Variants in CDC73 observed in about 807,000 individuals in gnomAD.
CDC73 encodes parafibromin.
A neutral mutation model predicts 83.7 loss-of-function variants in CDC73; 21 were observed. The observed-to-expected ratio is 0.25, with a 90% CI of 0.18 to 0.36. The LOEUF is 0.36. Among genes scored for constraint, CDC73 ranks in the 10% least tolerant of loss-of-function variants. The probability of loss-of-function intolerance (pLI) is 1.00; values close to 1 mark genes in which losing one functional copy is unlikely to be tolerated. For missense variants in CDC73, 342 were observed against 653.3 expected, an observed-to-expected ratio of 0.52 and a Z score of 5.19; for synonymous variants, 224 against 212.9, an observed-to-expected ratio of 1.05 and a Z score of -0.45.
At chr1:193,148,231 G>T (rs560608638) in intron 8 of CDC73, among the ~76,000 whole-genome samples, 1 of 152,272 alleles carries the variant, frequency 6.6e-6, no homozygotes, top group Non-Finnish European at 1.5e-5. Flanking sequence ...ATTTATTTTA[G>T]GTAAACTGTG....
At chr1:193,212,664 G>A (rs1677299642) in intron 13 of CDC73, among the ~76,000 whole-genome samples, 187 bp downstream of exon 13, 1 of 151,976 alleles carries the variant, frequency 6.6e-6, no homozygotes, top group Admixed American at 6.6e-5. Context: ...GATCCTTTAG[G>A]GAAAGTTACA....
chr1:193,159,673 C>T (rs1457770433), intron 10 of CDC73, among the ~76,000 whole-genome samples: 1 of 152,070 alleles, frequency 6.6e-6, no homozygotes, highest in Non-Finnish European at 1.5e-5. Flanking sequence ...CCTTTCACTG[C>T]TTTTTGATTG....
At chr1:193,127,417 A>G (rs1238948412) in intron 2 of CDC73, among the ~76,000 whole-genome samples, 1 of 152,084 alleles carries the variant, frequency 6.6e-6, no homozygotes, top group Non-Finnish European at 1.5e-5. Context: ...TATGTTACAT[A>G]TTTAAAAAAA....
At chr1:193,137,762 T>C (rs1182827926) in intron 5 of CDC73, among the ~76,000 whole-genome samples, 2 of 152,256 alleles carry the variant, frequency 1.3e-5, no homozygotes, top group Non-Finnish European at 2.9e-5. Flanking sequence ...ATTTGGTTAT[T>C]AACTTTCTCA....
chr1:193,200,778 C>T (rs540103032), intron 10 of CDC73, among the ~76,000 whole-genome samples: 291 of 151,984 alleles, frequency 1.9e-3, no homozygotes, highest in African/African-American at 6.6e-3. Flanking sequence ...TGTGTGTGCG[C>T]GCGTGCGTAT....
intron 10 of CDC73, among the ~76,000 whole-genome samples, chr1:193,156,386 T>C (rs1453170051): frequency 6.6e-6 from 1 of 152,230 alleles, no homozygotes; most frequent in Non-Finnish European, 1.5e-5. Context: ...CCTGCAATTA[T>C]AGAGATTAAA....
At position 193,122,035 on chromosome 1, in the gene CDC73, C is replaced by G. The variant is rs908159767; in HGVS notation, c.-166C>G. 7.5e-5 allele frequency: 49 copies of G among 656,496 alleles called. No homozygotes were observed. Among genetic ancestry groups the G allele is most frequent in the South Asian group, 6.3e-4 (36 of 57,040 alleles). 40.7% of individuals were successfully genotyped at this position (656,496 alleles called of 1,614,324 possible). Reference sequence around the variant, plus strand: ...GGGTCCTCGGCGGCCTGGGTGGCTACTGCCCCTGCTGCTGTCGTAGGCGAG... The same window carrying G: ...GGGTCCTCGGCGGCCTGGGTGGCTAGTGCCCCTGCTGCTGTCGTAGGCGAG... On this transcript the variant is annotated 5_prime_UTR_variant, in exon 1 of 17. Coordinates refer to ENST00000367435, the MANE Select transcript of CDC73 (RefSeq NM_024529.5).
At chr1:193,162,559 A>G (rs754389250) in intron 10 of CDC73, among the ~76,000 whole-genome samples, 2 of 151,396 alleles carry the variant, frequency 1.3e-5, no homozygotes, top group Non-Finnish European at 2.9e-5. Context: ...TTTTTAGTAG[A>G]GATTTCACCA....
chr1:193,169,399 G>T (rs1190860894), intron 10 of CDC73, among the ~76,000 whole-genome samples: 1 of 152,124 alleles, frequency 6.6e-6, no homozygotes, highest in African/African-American at 2.4e-5. Flanking sequence ...ACAAAAATTA[G>T]CTGGGCGTGG....
chr1:193,224,601 T>C (rs578226586), intron 13 of CDC73, among the ~76,000 whole-genome samples: 1 of 152,254 alleles, frequency 6.6e-6, no homozygotes, highest in East Asian at 1.9e-4. Flanking sequence ...CATTCACATG[T>C]ACACATATAT....
At chr1:193,243,474 T>C (rs755461988) in intron 15 of CDC73, among the ~76,000 whole-genome samples, 1 of 152,094 alleles carries the variant, frequency 6.6e-6, no homozygotes, top group Non-Finnish European at 1.5e-5. Context: ...AAAATAAATA[T>C]CAATAAAGAT....
At chr1:193,154,023 T>C (rs1286974790) in intron 10 of CDC73, among the ~76,000 whole-genome samples, 4 of 152,242 alleles carry the variant, frequency 2.6e-5, no homozygotes, top group Non-Finnish European at 5.9e-5. Context: ...TCCCATCTTA[T>C]GCGATCTGCC....
intron 6 of CDC73, among the ~76,000 whole-genome samples, chr1:193,138,469 C>A (rs1171099518): frequency 6.6e-6 from 1 of 152,170 alleles, no homozygotes; most frequent in Non-Finnish European, 1.5e-5. Context: ...CAGAAGTCAG[C>A]AAGCTTTTTC....
intron 10 of CDC73, among the ~76,000 whole-genome samples, chr1:193,168,006 G>A (rs1210547266): frequency 6.6e-6 from 1 of 152,008 alleles, no homozygotes; most frequent in East Asian, 1.9e-4. Context: ...GATTACAGAT[G>A]CCTGCCACCA....
At chr1:193,195,289 G>A (rs1439258822) in intron 10 of CDC73, among the ~76,000 whole-genome samples, 2 of 151,976 alleles carry the variant, frequency 1.3e-5, no homozygotes, top group African/African-American at 4.8e-5. Flanking sequence ...ATTTCGTTTA[G>A]CGTAATGTTT....
intron 10 of CDC73, among the ~76,000 whole-genome samples, chr1:193,198,056 C>T (rs1022771266): frequency 2.6e-5 from 4 of 151,568 alleles, no homozygotes; most frequent in Non-Finnish European, 5.9e-5. Flanking sequence ...CAATGTAATA[C>T]TCATGAATCA....
chr1:193,127,818 CATT>C (rs1452243816), intron 2 of CDC73: 1 of 85,466 alleles, frequency 1.2e-5, no homozygotes, highest in African/African-American at 3.9e-5. Context: ...GCAGACCACT[CATT>C]TTTTTTTTTT....
At chr1:193,238,390 C>T (rs184771177) in intron 15 of CDC73, among the ~76,000 whole-genome samples, 1 of 152,326 alleles carries the variant, frequency 6.6e-6, no homozygotes, top group East Asian at 1.9e-4. Context: ...CCCCTGTAGT[C>T]TGGCTCTTGC....
intron 10 of CDC73, among the ~76,000 whole-genome samples, chr1:193,162,662 C>A (rs1043863191): frequency 6.6e-6 from 1 of 152,116 alleles, no homozygotes; most frequent in South Asian, 2.1e-4. Flanking sequence ...AGCCACCACA[C>A]CCCGCCAGTT....
Sources: allele counts gnomAD v4.1 joint callset (sites outside exome capture counted in the v4.1 genomes callset), GRCh38; gene constraint gnomAD v4.1.1; transcripts MANE v1.5; gene names NCBI Gene and HGNC (gene_info 2026-07-23, HGNC 2026-07-21).